The following PRKG1 variants were observed in gnomAD, a reference collection of about 807,000 sequenced individuals.
The protein encoded by PRKG1 is cGMP-dependent protein kinase 1.
In PRKG1, 35 loss-of-function variants were observed where a neutral mutation model predicts 88.1. The observed-to-expected ratio is 0.40, with a 90% CI of 0.30 to 0.53. The LOEUF (loss-of-function observed/expected upper bound fraction) is 0.53, where lower values mean the gene tolerates loss of function less well. Ranked by LOEUF, PRKG1 falls within the 20% of genes least tolerant of loss-of-function variation. The probability of loss-of-function intolerance (pLI) is 0.59; values close to 1 mark genes in which losing one functional copy is unlikely to be tolerated. For synonymous variants in PRKG1, 303 were observed against 292.5 expected (o/e 1.04, Z -0.37); for missense variants, 540 against 839.8 (o/e 0.64, Z 4.41).
intron 2 of PRKG1, among the ~76,000 whole-genome samples, chr10:51,249,684 A>G (rs1289752758): frequency 1.3e-5 from 2 of 151,872 alleles, no homozygotes; most frequent in East Asian, 3.9e-4. Context: ...GCAGCATATT[A>G]TAAATTGTTA....
intron 3 of PRKG1, among the ~76,000 whole-genome samples, chr10:51,621,482 A>C (rs1021357442): frequency 6.6e-6 from 1 of 152,062 alleles, no homozygotes; most frequent in Non-Finnish European, 1.5e-5. Flanking sequence ...GAGATGTCTA[A>C]ATGCACCAGC....
chr10:51,798,857 A>G (rs1484823604), intron 3 of PRKG1, among the ~76,000 whole-genome samples: 1 of 152,090 alleles, frequency 6.6e-6, no homozygotes. Context: ...TTGCTAATAC[A>G]GTGCTGTCTG....
chr10:51,582,316 T>A (rs1235814648), intron 3 of PRKG1, among the ~76,000 whole-genome samples: 1 of 152,152 alleles, frequency 6.6e-6, no homozygotes, highest in Non-Finnish European at 1.5e-5. Flanking sequence ...TTTTTTTCTT[T>A]TTATCTTTTT....
chr10:52,126,772 G>A (rs1847940852), intron 7 of PRKG1, among the ~76,000 whole-genome samples: 1 of 152,152 alleles, frequency 6.6e-6, no homozygotes, highest in South Asian at 2.1e-4. Context: ...ATGTGCACAG[G>A]CATGGACAGA....
intron 9 of PRKG1, among the ~76,000 whole-genome samples, chr10:52,191,210 G>A (rs1019395434): frequency 6.6e-6 from 1 of 152,144 alleles, no homozygotes; most frequent in African/African-American, 2.4e-5. Context: ...CTGGAGTGCA[G>A]TGTCCTGATC....
At chr10:52,136,912 T>C (rs1170715082) in intron 8 of PRKG1, among the ~76,000 whole-genome samples, 1 of 152,024 alleles carries the variant, frequency 6.6e-6, no homozygotes, top group East Asian at 1.9e-4. Context: ...AGTCTAAGAA[T>C]TCAAAAAGTG....
At chr10:51,063,281 C>T (rs993463950) in intron 1 of PRKG1, among the ~76,000 whole-genome samples, 7 of 152,096 alleles carry the variant, frequency 4.6e-5, no homozygotes, top group African/African-American at 1.4e-4. Context: ...TGCTAAGAGA[C>T]GTGCCTTTAG....
chr10:51,665,592 T>C (rs1484550177), intron 3 of PRKG1, among the ~76,000 whole-genome samples: 1 of 152,166 alleles, frequency 6.6e-6, no homozygotes, highest in African/African-American at 2.4e-5. Flanking sequence ...TAAGACAACA[T>C]GTTTATGGTC....
intron 1 of PRKG1, among the ~76,000 whole-genome samples, chr10:51,126,899 G>C (rs963340909): frequency 9.9e-5 from 15 of 152,218 alleles, no homozygotes; most frequent in South Asian, 2.1e-4. Context: ...TGGGAAAATT[G>C]ACTAGCCATG....
At chr10:52,226,217 A>G (rs752584012) in intron 9 of PRKG1, among the ~76,000 whole-genome samples, 2 of 152,124 alleles carry the variant, frequency 1.3e-5, no homozygotes, top group African/African-American at 2.4e-5. Flanking sequence ...CAGATTACTT[A>G]AAATGTTCAA....
chr10:51,372,132 C>G (rs1438321231), intron 2 of PRKG1, among the ~76,000 whole-genome samples: 1 of 152,014 alleles, frequency 6.6e-6, no homozygotes, highest in Non-Finnish European at 1.5e-5. Flanking sequence ...TGGTTATGGC[C>G]TCTGTCATAT....
At chr10:51,215,287 GA>G (rs1554847589) in intron 2 of PRKG1, among the ~76,000 whole-genome samples, 1 of 152,182 alleles carries the variant, frequency 6.6e-6, no homozygotes, top group Non-Finnish European at 1.5e-5. Flanking sequence ...AAAATAAGGA[GA>G]GCTTTTTCTT....
rs539870789 is a variant in PRKG1 at position 50,999,287 on chromosome 10, T to C, written c.266+7643T>C. Among the ~76,000 whole-genome samples, 13 of 152,348 alleles carry C rather than the reference T, an allele frequency of 8.5e-5. No homozygotes were observed. In the South Asian group the frequency reaches 2.7e-3, roughly 32 times the overall value. ...GATTTTGTTATGTATTTGAACCCACTGATAGCACTTTCATGTGCAAGATGA... is the reference window on the plus strand; with the variant it reads ...GATTTTGTTATGTATTTGAACCCACCGATAGCACTTTCATGTGCAAGATGA... On this transcript the variant is annotated intron_variant, in intron 1 of 17. Coordinates refer to the PRKG1 transcript ENST00000401604.
chr10:51,947,771 C>A (rs1025719119), intron 5 of PRKG1, among the ~76,000 whole-genome samples: 1 of 152,114 alleles, frequency 6.6e-6, no homozygotes, highest in African/African-American at 2.4e-5. Context: ...CACAGGGGGA[C>A]TCCATGGGGA....
At chr10:51,388,772 A>G (rs1837319263) in intron 2 of PRKG1, among the ~76,000 whole-genome samples, 1 of 152,218 alleles carries the variant, frequency 6.6e-6, no homozygotes. Flanking sequence ...AAAATAATGT[A>G]GTTGACTCTG....
intron 5 of PRKG1, among the ~76,000 whole-genome samples, chr10:51,997,495 T>G (rs993828968): frequency 7.1e-4 from 102 of 144,500 alleles, no homozygotes; most frequent in African/African-American, 2.4e-3. Flanking sequence ...AAGAAAGAAA[T>G]AAGTTAAAGA....
At chr10:52,271,221 T>G (rs1841722326) in intron 10 of PRKG1, 129 bp from the exon 11 acceptor site, 1 of 936,018 alleles carries the variant, frequency 1.1e-6, no homozygotes, top group East Asian at 2.7e-5. Context: ...TACCAAGGAT[T>G]TACTGTGTTT....
intron 2 of PRKG1, among the ~76,000 whole-genome samples, chr10:51,186,621 T>C (rs967575940): frequency 6.6e-6 from 1 of 152,004 alleles, no homozygotes; most frequent in African/African-American, 2.4e-5. Context: ...TTCCAGACTT[T>C]CTAATTTTAT....
intron 5 of PRKG1, among the ~76,000 whole-genome samples, chr10:51,942,226 G>A (rs1842925175): frequency 1.3e-5 from 2 of 152,080 alleles, no homozygotes; most frequent in Admixed American, 6.5e-5. Flanking sequence ...TTTTTCACGT[G>A]TTTTTTGGCT....
Sources: gnomAD v4.1 joint callset for allele counts (sites outside exome capture counted in the v4.1 genomes callset) on GRCh38, gnomAD v4.1.1 for gene constraint, MANE v1.5 for transcripts, NCBI Gene and HGNC (gene_info 2026-07-23, HGNC 2026-07-21) for gene names.